The following MUC3A variants were observed in gnomAD, a reference collection of about 807,000 sequenced individuals.
The protein encoded by MUC3A is mucin-3A.
MUC3A carries 109 observed loss-of-function variants against 109.0 expected under a neutral mutation model. The observed-to-expected ratio is 1.00, with a 90% CI of 0.86 to 1.17. The LOEUF (loss-of-function observed/expected upper bound fraction) is 1.17, where lower values mean the gene tolerates loss of function less well. Among genes scored for constraint, MUC3A ranks in the 50% most tolerant of loss-of-function variants. The probability of loss-of-function intolerance (pLI) is 0.00; values close to 1 mark genes in which losing one functional copy is unlikely to be tolerated. For synonymous variants in MUC3A, 1,398 were observed against 981.4 expected (o/e 1.42, Z -7.93); for missense variants, 3,537 against 2,469.4 (o/e 1.43, Z -9.16).
At position 100,959,383 on chromosome 7, in the gene MUC3A, C is replaced by T. The variant is rs1792234394; in HGVS notation, c.7604C>T (p.Thr2535Ile). 1 of 1,538,682 alleles carries T rather than the reference C, an allele frequency of 6.5e-7. No individual in the cohort carries two copies. Among genetic ancestry groups the T allele is most frequent in the Non-Finnish European group, 8.7e-7 (1 of 1,152,492 alleles). The change falls in exon 2 of 12, where the codon ACA (threonine) becomes ATA (isoleucine). Residue 2535 changes from threonine (T) to isoleucine (I), a missense_variant. By Grantham distance (89) the Thr-to-Ile change is moderately conservative. Coordinates refer to ENST00000379458, the MANE Select transcript of MUC3A (RefSeq NM_005960.2). ...IISSSPSIQS[T>I]ETSSLVGTTS... ...TCATCTTCTCCCTCCATCCAAAGTA[C>T]AGAAACCTCATCCCTTGTGGGCACC...
rs1792306906 is a variant in MUC3A, at chr7:100,960,931, G to T, written c.9046G>T (p.Asp3016Tyr). ...SSCEFAVEQV[D>Y]LDVVETEVGM... ...TTGTGAGTTTGCTGTGGAACAGGTG[G>T]ATCTAGGTGAGTTGCCAGAGCTATG... Residue 3016 changes from aspartate (D) to tyrosine (Y), a missense_variant, in exon 3 of 12, where the codon GAT (aspartate) becomes TAT (tyrosine). Transcript: ENST00000379458. 3 of 1,598,420 alleles carry T rather than the reference G, an allele frequency of 1.9e-6. No homozygotes were observed. Among genetic ancestry groups the T allele is most frequent in the East Asian group, 2.2e-5 (1 of 44,904 alleles).
chr7:100,957,838 C>A lies in MUC3A; in HGVS notation c.6059C>A (p.Ser2020Tyr). The A allele has an allele frequency of 1.2e-6, 1 of 806,952 alleles. No individual in the cohort carries two copies. The highest frequency in any genetic ancestry group is 2.2e-6 in the Non-Finnish European group (1 of 458,726). The allele number at this position is 806,952 out of a possible 1,614,324, so 50.0% of individuals were successfully genotyped here. ...TSSITTTETT[S>Y]HNTPSLTSSI... The stretch of plus-strand genomic sequence containing the variant: ...TCCATCACCACCACTGAGACCACAT[C>A]CCACAATACTCCCAGCTTGACTTCT... Residue 2020 changes from serine to tyrosine, a missense_variant, in exon 2 of 12, where the codon TCC (serine) becomes TAC (tyrosine). Physicochemically the swap from Ser to Tyr is moderately radical, Grantham distance 144 (BLOSUM62 -2). Coordinates refer to ENST00000379458, the MANE Select transcript of MUC3A (RefSeq NM_005960.2).
Position 100,953,899 on chromosome 7 carries a change from C to A in MUC3A, c.2120C>A (p.Ser707Tyr). ...PTPNASSMTT[S>Y]ETTYPNSPTG... ...CCAAATGCTTCATCTATGACTACAT[C>A]TGAGACCACCTATCCTAATTCTCCG... Residue 707 changes from serine (S) to tyrosine (Y), a missense_variant, in exon 2 of 12, where the codon TCT (serine) becomes TAT (tyrosine). Ser to Tyr is a moderately radical substitution (Grantham distance 144). Transcript: ENST00000379458. The A allele has an allele frequency of 2.3e-6, 1 of 440,380 alleles. No homozygotes were observed. 27.3% of individuals were successfully genotyped at this position (440,380 alleles called of 1,614,324 possible).
In MUC3A at chr7:100,966,049, T is replaced by TCGCCCTAAAGTGTAGCCCCCGCCTCC; in HGVS notation, c.9611+183_9611+184insCGCCCTAAAGTGTAGCCCCCGCCTCC. 8 of 855,790 alleles carry TCGCCCTAAAGTGTAGCCCCCGCCTCC rather than the reference T, an allele frequency of 9.3e-6. No homozygotes were observed. The South Asian group carries it at 1.8e-4, about 19-fold the overall frequency. The allele number at this position is 855,790 out of a possible 1,614,324, so 53.0% of individuals were successfully genotyped here. A position where few individuals can be genotyped will look rare whatever the true frequency, so the allele number is the denominator to read the frequency against. On this transcript the variant is annotated intron_variant, in intron 8 of 11. Transcript: ENST00000379458. ...GAGCCCTGCCCTGGAGCTCTGCTCC[T>TCGCCCTAAAGTGTAGCCCCCGCCTCC]TTGATGGGGTTGAGTCCTGTCCCCT... is the stretch of plus-strand genomic sequence containing the variant.
rs770090117 is a variant in MUC3A, at chr7:100,965,734, A to C, written c.9479A>C (p.Tyr3160Ser). 6.3e-7 allele frequency: 1 copy of C among 1,598,352 alleles called. No homozygotes were observed. Among genetic ancestry groups the C allele is most frequent in the Non-Finnish European group, 8.5e-7 (1 of 1,179,750 alleles). The change falls in exon 8 of 12, where the codon TAT (tyrosine) becomes TCT (serine). Residue 3160 changes from tyrosine (Y) to serine (S), a missense_variant. Coordinates refer to ENST00000379458, the MANE Select transcript of MUC3A (RefSeq NM_005960.2). Reference protein sequence around the residue: ...AICRRAAPTGYEEFYFPLVEA... With the variant: ...AICRRAAPTGSEEFYFPLVEA... ...TGCCGCCGCGCCGCTCCCACGGGCTATGAAGAGTTCTACTTCCCCTTGGTG... is the reference window on the plus strand; with the variant it reads ...TGCCGCCGCGCCGCTCCCACGGGCTCTGAAGAGTTCTACTTCCCCTTGGTG...
At chr7:100,962,426 A>AAC (rs1231985008) in intron 3 of MUC3A, among the ~76,000 whole-genome samples, 61 of 104,120 alleles carry the variant, frequency 5.9e-4, no homozygotes, top group Non-Finnish European at 2.4e-4. Flanking sequence ...TCAACAATAA[A>AAC]AAAAAGTTAG....
At position 100,956,995 on chromosome 7, in the gene MUC3A, C is replaced by T. The variant is rs1399751344; in HGVS notation, c.5216C>T (p.Thr1739Ile). ...AGTTCAACAGCCACATCCCCTAAGA[C>T]CACCACACTGACTCCTACCTCTGAC... ...FTSSTATSPK[T>I]TTLTPTSDIS... is the part of the protein sequence containing the mutation. Residue 1739 changes from threonine (T) to isoleucine (I), a missense_variant, in exon 2 of 12, where the codon ACC becomes ATC. Physicochemically the swap from Thr to Ile is moderately conservative, Grantham distance 89. Coordinates refer to ENST00000379458, the MANE Select transcript of MUC3A (RefSeq NM_005960.2). 3.6e-5 allele frequency: 16 copies of T among 438,868 alleles called. No individual in the cohort carries two copies. The highest frequency in any genetic ancestry group is 6.0e-5 in the Non-Finnish European group (15 of 250,616). The allele number at this position is 438,868 out of a possible 1,614,324, so 27.2% of individuals were successfully genotyped here. A position where few individuals can be genotyped will look rare whatever the true frequency, so the allele number is the denominator to read the frequency against.
rs768978864 is a variant in MUC3A at position 100,959,293 on chromosome 7, C to T, written c.7514C>T (p.Thr2505Ile). 6.3e-6 allele frequency: 10 copies of T among 1,585,988 alleles called. No homozygotes were observed. Among genetic ancestry groups the T allele is most frequent in the African/African-American group, 4.0e-5 (3 of 74,924 alleles). ...SSVGTSTSLT[T>I]TTDFPSIPTD... is the part of the protein sequence containing the mutation. The stretch of plus-strand genomic sequence containing the variant: ...GTGGGCACCAGCACTTCATTGACTA[C>T]AACCACAGACTTTCCCTCTATACCC... Residue 2505 changes from threonine to isoleucine, a missense_variant, in exon 2 of 12, where the codon ACA becomes ATA. Transcript: ENST00000379458.
rs1328690898 is a variant in MUC3A, at chr7:100,964,640, C to T, written c.9234-55C>T. ...TTGGGTTGCTTCTGGAGGTGCCCCTCCAAGGACCCATATGTTCCTGGCTGG... is the reference window on the plus strand; with the variant it reads ...TTGGGTTGCTTCTGGAGGTGCCCCTTCAAGGACCCATATGTTCCTGGCTGG... On this transcript the variant is annotated intron_variant, in intron 5 of 11. Transcript: ENST00000379458. 6 of 1,557,322 alleles carry T rather than the reference C, an allele frequency of 3.9e-6. No individual in the cohort carries two copies. In the Admixed American group the frequency reaches 8.8e-5, roughly 23 times the overall value.
intron 7 of MUC3A, 52 bp from the exon 8 acceptor site, chr7:100,965,652 A>G (rs1460807079): frequency 6.4e-7 from 1 of 1,565,520 alleles, no homozygotes. Context: ...CAGGCCCCTG[A>G]ATAGAATGGA....
intron 1 of MUC3A, among the ~76,000 whole-genome samples, chr7:100,950,621 G>A (rs80110943): frequency 1.3e-5 from 2 of 152,260 alleles, no homozygotes; most frequent in Non-Finnish European, 2.9e-5. Context: ...GTAGCAGGTC[G>A]GGTACCTCCC....
Position 100,955,493 on chromosome 7 carries a change from A to C in MUC3A, c.3714A>C (p.Pro1238=). The C allele has an allele frequency of 1.9e-6, 1 of 531,804 alleles. No individual in the cohort carries two copies. The highest frequency in any genetic ancestry group is 3.3e-6 in the Non-Finnish European group (1 of 303,954). 32.9% of individuals were successfully genotyped at this position (531,804 alleles called of 1,614,324 possible). A position where few individuals can be genotyped will look rare whatever the true frequency, so the allele number is the denominator to read the frequency against. ...SSSAMSTSVI[P]SSPSIQNTET... The stretch of plus-strand genomic sequence containing the variant: ...CAGCAATGTCCACAAGTGTCATTCC[A>C]TCTTCCCCCAGCATCCAGAATACAG... The change falls in exon 2 of 12, where the codon CCA becomes CCC. Residue 1238 remains proline (P), a synonymous_variant. Coordinates refer to ENST00000379458, the MANE Select transcript of MUC3A (RefSeq NM_005960.2).
At chr7:100,966,603 G>A (rs769431563) in intron 9 of MUC3A, 44 bp downstream of exon 9, 5 of 1,596,298 alleles carry the variant, frequency 3.1e-6, no homozygotes, top group Non-Finnish European at 3.4e-6. Context: ...GGCAGCCAAG[G>A]GGTCCCAGGC....
In MUC3A at chr7:100,960,474, C is replaced by G; in HGVS notation, c.8695C>G (p.Leu2899Val). 2.5e-6 allele frequency: 4 copies of G among 1,598,646 alleles called. No homozygotes were observed. The highest frequency in any genetic ancestry group is 3.4e-6 in the Non-Finnish European group (4 of 1,179,828). ...GCTCACCATGAAACCAAGCAGTAGC[C>G]TCCCGACCATCCTGAGGACTTCAAG... ...IPLTMKPSSSLPTILRTSSKS... is the reference protein window; with the variant it reads ...IPLTMKPSSSVPTILRTSSKS... The change falls in exon 2 of 12, where the codon CTC becomes GTC. Residue 2899 changes from leucine (L) to valine (V), a missense_variant. Physicochemically the swap from Leu to Val is conservative, Grantham distance 32. Coordinates refer to ENST00000379458, the MANE Select transcript of MUC3A (RefSeq NM_005960.2).
Position 100,965,802 on chromosome 7 carries a change from G to T in MUC3A, c.9547G>T (p.Val3183Leu), listed in dbSNP as rs1300620336. Residue 3183 changes from valine (V) to leucine (L), a missense_variant, in exon 8 of 12, where the codon GTG becomes TTG. Physicochemically the swap from Val to Leu is conservative, Grantham distance 32. Transcript: ENST00000379458. ...CTGTGTCACCAAATGCACGTCGGGG[G>T]TGGACAACGCCATCGACTGTCACCA... is the stretch of plus-strand genomic sequence containing the variant. ...LRCVTKCTSG[V>L]DNAIDCHQGQ... The T allele has an allele frequency of 1.3e-6, 2 of 1,597,612 alleles. No individual in the cohort carries two copies. The highest frequency in any genetic ancestry group is 1.1e-5 in the South Asian group (1 of 91,050).
At chr7:100,962,808 TC>T (rs1563073142) in intron 3 of MUC3A, among the ~76,000 whole-genome samples, 2 of 35,966 alleles carry the variant, frequency 5.6e-5, no homozygotes, top group East Asian at 1.8e-3. Context: ...TCTCTCTCTC[TC>T]TCTCTTTCTT....
Position 100,955,618 on chromosome 7 carries a change from C to T in MUC3A, c.3839C>T (p.Thr1280Ile), listed in dbSNP as rs1198736313. 4.5e-5 allele frequency: 20 copies of T among 442,400 alleles called. No individual in the cohort carries two copies. In the Admixed American group the frequency reaches 7.8e-4, roughly 17 times the overall value. The allele number at this position is 442,400 out of a possible 1,614,324, so 27.4% of individuals were successfully genotyped here. A position where few individuals can be genotyped will look rare whatever the true frequency, so the allele number is the denominator to read the frequency against. ...ACTCTAACAAGTTCCCTCCTGACGA[C>T]CTTCCCAAGTACATATTCATTTTCA... is the stretch of plus-strand genomic sequence containing the variant. ...DSTLTSSLLT[T>I]FPSTYSFSSS... The change falls in exon 2 of 12, where the codon ACC (threonine) becomes ATC (isoleucine). Residue 1280 changes from threonine to isoleucine, a missense_variant. Coordinates refer to ENST00000379458, the MANE Select transcript of MUC3A (RefSeq NM_005960.2).
rs1050023549 is a variant in MUC3A at position 100,966,516 on chromosome 7, C to G, written c.9742C>G (p.Arg3248Gly). The G allele has an allele frequency of 1.0e-5, 13 of 1,301,252 alleles. No homozygotes were observed. The South Asian group carries it at 2.5e-4, about 25-fold the overall frequency. The allele number at this position is 1,301,252 out of a possible 1,614,324, so 80.6% of individuals were successfully genotyped here. A position where few individuals can be genotyped will look rare whatever the true frequency, so the allele number is the denominator to read the frequency against. Residue 3248 changes from arginine to glycine, a missense_variant, in exon 9 of 12, where the codon CGG (arginine) becomes GGG (glycine). By Grantham distance (125) the Arg-to-Gly change is moderately radical. Transcript: ENST00000379458. The stretch of plus-strand genomic sequence containing the variant: ...GCTGCTGCTGCTGGCGCTGGGCGTC[C>G]GGGCGGTGCGCTCCGGATGGTGGGG... ...LVLLLLALGV[R>G]AVRSGWWGGQ...
At position 100,956,403 on chromosome 7, in the gene MUC3A, C is replaced by A; in HGVS notation, c.4624C>A (p.Pro1542Thr). The A allele has an allele frequency of 2.1e-6, 1 of 467,058 alleles. No homozygotes were observed. The highest frequency in any genetic ancestry group is 3.6e-6 in the Non-Finnish European group (1 of 275,342). 28.9% of individuals were successfully genotyped at this position (467,058 alleles called of 1,614,324 possible). Residue 1542 changes from proline to threonine, a missense_variant, in exon 2 of 12, where the codon CCC (proline) becomes ACC (threonine). Coordinates refer to ENST00000379458, the MANE Select transcript of MUC3A (RefSeq NM_005960.2). ...SSTIYSTAST[P>T]TTAITSVPTT... ...AACCATCTACTCCACAGCCAGCACA[C>A]CCACCACTGCCATCACCTCAGTTCC...
Sources: allele counts gnomAD v4.1 joint callset (sites outside exome capture counted in the v4.1 genomes callset), GRCh38; gene constraint gnomAD v4.1.1; transcripts MANE v1.5; gene names NCBI Gene and HGNC (gene_info 2026-07-23, HGNC 2026-07-21).